Variants in LUZP4 observed in about 807,000 individuals in gnomAD.
The protein encoded by LUZP4 is leucine zipper protein 4.
Under a neutral mutation model 8.5 loss-of-function variants are expected in LUZP4, and 11 were observed. That is an observed-to-expected ratio of 1.30 (90% CI 0.82 to 2.14). The LOEUF is 2.14. Ranked by LOEUF, LUZP4 falls within the 30% of genes most tolerant of loss-of-function variation. The probability of loss-of-function intolerance (pLI) is 0.00; values close to 1 mark genes in which losing one functional copy is unlikely to be tolerated. For synonymous variants in LUZP4, 104 were observed against 79.4 expected (o/e 1.31, Z -1.65); for missense variants, 276 against 229.7 (o/e 1.20, Z -1.30).
intron 1 of LUZP4, among the ~76,000 whole-genome samples, chrX:115,296,033 T>C (rs1603134055): frequency 8.9e-6 from 1 of 111,809 alleles, no homozygotes; most frequent in African/African-American, 3.2e-5. Flanking sequence ...GTATGTATAG[T>C]CAGAATTTTT....
rs2073423028 is a variant in LUZP4 at position 115,306,582 on chromosome X, C to T, written c.720C>T (p.Asp240=). The part of the protein sequence containing the change: ...KRSRSQGDLV[D]TQSDLIATQR... ...CTCGTAGCCAGGGAGATCTTGTGGA[C>T]ACTCAGAGTGATCTCATAGCCACTC... The change falls in exon 4 of 4, where the codon GAC becomes GAT. Residue 240 remains aspartate, a synonymous_variant. Coordinates refer to ENST00000371920, the MANE Select transcript of LUZP4 (RefSeq NM_016383.5). 8.3e-7 allele frequency: 1 copy of T among 1,209,060 alleles called. No individual in the cohort carries two copies. Among genetic ancestry groups the T allele is most frequent in the South Asian group, 1.8e-5 (1 of 56,810 alleles).
intron 1 of LUZP4, among the ~76,000 whole-genome samples, chrX:115,294,681 G>A (rs1227846619): frequency 2.7e-5 from 3 of 111,708 alleles, no homozygotes; most frequent in African/African-American, 9.8e-5. Context: ...GAGAGATGGT[G>A]GTGTCGTGTA....
chrX:115,297,073 T>C (rs1556599340), intron 1 of LUZP4, among the ~76,000 whole-genome samples: 1 of 112,033 alleles, frequency 8.9e-6, no homozygotes, highest in Non-Finnish European at 1.9e-5. Context: ...TCCATCCTCT[T>C]AAGCATTCAT....
At chrX:115,295,350 A>G (rs1209943747) in intron 1 of LUZP4, among the ~76,000 whole-genome samples, 1 of 112,229 alleles carries the variant, frequency 8.9e-6, no homozygotes, top group East Asian at 2.8e-4. Flanking sequence ...AAGTGCTGGG[A>G]TTACAGCCGT....
intron 1 of LUZP4, among the ~76,000 whole-genome samples, chrX:115,293,021 T>C (rs782134380): frequency 2.7e-5 from 3 of 111,029 alleles, no homozygotes; most frequent in East Asian, 5.6e-4. Flanking sequence ...AAAAATAATA[T>C]TTGGTCACTG....
chrX:115,296,749 C>G (rs1448223250), intron 1 of LUZP4, among the ~76,000 whole-genome samples: 24 of 111,273 alleles, frequency 2.2e-4, no homozygotes, highest in African/African-American at 7.8e-4. Context: ...ACTACAAAGT[C>G]TAAGGATTAA....
rs2073400565 is a variant in LUZP4 at position 115,302,138 on chromosome X, A to G, written c.223+15A>G. On this transcript the variant is annotated intron_variant, in intron 2 of 3. Transcript: ENST00000371920. ...CCATCGGAGAGGTAAAGTATGCTGA[A>G]AATAGTCACACGTGGTAAAAAGAGT... is the stretch of plus-strand genomic sequence containing the variant. 8.6e-7 allele frequency: 1 copy of G among 1,158,605 alleles called. No individual in the cohort carries two copies. The highest frequency in any genetic ancestry group is 1.1e-6 in the Non-Finnish European group (1 of 871,911).
At chrX:115,301,609 A>T (rs1216712226) in intron 1 of LUZP4, among the ~76,000 whole-genome samples, 17 of 112,212 alleles carry the variant, frequency 1.5e-4, no homozygotes, top group African/African-American at 5.5e-4. Context: ...TTTACATTTA[A>T]TTGCTGATTT....
At position 115,307,374 on chromosome X, in the gene LUZP4, C is replaced by T. The variant is rs1457397451; in HGVS notation, c.*570C>T. On this transcript the variant is annotated 3_prime_UTR_variant, in exon 4 of 4. Coordinates refer to ENST00000371920, the MANE Select transcript of LUZP4 (RefSeq NM_016383.5). ...TTCTATGCATAGATGTAATGCTAACCTTCTGAATATATTTTGAATACATTT... is the reference window on the plus strand; with the variant it reads ...TTCTATGCATAGATGTAATGCTAACTTTCTGAATATATTTTGAATACATTT... 1.7e-5 allele frequency: 2 copies of T among 115,055 alleles called. No individual in the cohort carries two copies. The highest frequency in any genetic ancestry group is 6.5e-5 in the African/African-American group (2 of 30,681). The allele number at this position is 115,055 out of a possible 1,213,427, so 9.5% of individuals were successfully genotyped here.
chrX:115,303,540 T>G, intron 3 of LUZP4, 122 bp downstream of exon 3: 2 of 308,690 alleles, frequency 6.5e-6, no homozygotes, highest in Non-Finnish European at 1.2e-5. Context: ...TCCTCCATGG[T>G]GCCTTGAACA....
At chrX:115,297,708 T>C in intron 1 of LUZP4, among the ~76,000 whole-genome samples, 2 of 111,691 alleles carry the variant, frequency 1.8e-5, no homozygotes, top group East Asian at 5.7e-4. Flanking sequence ...CTTTAGGAGT[T>C]TGATTATTAA....
chrX:115,293,812 G>A (rs372927339), intron 1 of LUZP4, among the ~76,000 whole-genome samples: 71 of 109,234 alleles, frequency 6.5e-4, no homozygotes, highest in African/African-American at 2.1e-3. Flanking sequence ...TTAGCCGGGC[G>A]TGGAGGCAGG....
chrX:115,306,524 A>G lies in LUZP4; in HGVS notation c.662A>G (p.His221Arg), dbSNP rs2147407897. 1 of 1,210,536 alleles carries G rather than the reference A, an allele frequency of 8.3e-7. No individual in the cohort carries two copies. Among genetic ancestry groups the G allele is most frequent in the East Asian group, 3.0e-5 (1 of 33,792 alleles). The change falls in exon 4 of 4, where the codon CAC (histidine) becomes CGC (arginine). Residue 221 changes from histidine to arginine, a missense_variant. Physicochemically the swap from His to Arg is conservative, Grantham distance 29. Coordinates refer to ENST00000371920, the MANE Select transcript of LUZP4 (RefSeq NM_016383.5). ...GGTCACTCAGAGAGATCTCATGGTC[A>G]CTCAGAGAGATCTCATGGTCACTCA... is the stretch of plus-strand genomic sequence containing the variant. The part of the protein sequence containing the change: ...SHGHSERSHG[H>R]SERSHGHSKR...
chrX:115,298,477 ATT>A (rs1458102051), intron 1 of LUZP4, among the ~76,000 whole-genome samples: 2 of 111,557 alleles, frequency 1.8e-5, no homozygotes, highest in African/African-American at 6.5e-5. Context: ...GGTGTGTTTC[ATT>A]GTTTGTTTGT....
intron 1 of LUZP4, among the ~76,000 whole-genome samples, chrX:115,300,687 T>C (rs1556601099): frequency 9.0e-6 from 1 of 111,436 alleles, no homozygotes; most frequent in Non-Finnish European, 1.9e-5. Flanking sequence ...ACTTTTCCTT[T>C]CTGCTCTAAC....
chrX:115,302,425 C>T (rs2073401768), intron 2 of LUZP4, among the ~76,000 whole-genome samples: 1 of 111,910 alleles, frequency 8.9e-6, no homozygotes, highest in Admixed American at 9.5e-5. Flanking sequence ...GGTCCAGTTC[C>T]ACTTTTAGGA....
Position 115,289,733 on chromosome X carries a change from A to G in LUZP4, c.-27A>G. The G allele has an allele frequency of 8.9e-7, 1 of 1,127,383 alleles. No homozygotes were observed. Among genetic ancestry groups the G allele is most frequent in the Non-Finnish European group, 1.2e-6 (1 of 820,192 alleles). 92.9% of individuals were successfully genotyped at this position (1,127,383 alleles called of 1,213,427 possible). The stretch of plus-strand genomic sequence containing the variant: ...GGGTGGTACACGCGCCCTACCTCGG[A>G]GTGTGTGGCGCCATGATGCAGGGAA... On this transcript the variant is annotated 5_prime_UTR_variant, in exon 1 of 4. Transcript: ENST00000371920.
At chrX:115,295,781 T>C (rs1225089997) in intron 1 of LUZP4, among the ~76,000 whole-genome samples, 2 of 111,183 alleles carry the variant, frequency 1.8e-5, no homozygotes, top group Non-Finnish European at 3.8e-5. Flanking sequence ...CCCCTGTTAA[T>C]TACTTTTACC....
In LUZP4 at chrX:115,294,374, T is replaced by C. The variant is rs186450184; in HGVS notation, c.91+4524T>C. Among the ~76,000 whole-genome samples the C allele has an allele frequency of 2.7e-3, 306 of 112,016 alleles. 1 individual carries two copies. Among genetic ancestry groups the C allele is most frequent in the African/African-American group, 8.3e-3 (257 of 30,849 alleles). ...CTCTTGGGGCCTGAGTTTCCTGATCTGAATAAAATCTACATCATAGAGTTG... is the reference window on the plus strand; with the variant it reads ...CTCTTGGGGCCTGAGTTTCCTGATCCGAATAAAATCTACATCATAGAGTTG... On this transcript the variant is annotated intron_variant, in intron 1 of 3. Coordinates refer to ENST00000371920, the MANE Select transcript of LUZP4 (RefSeq NM_016383.5).
Sources: gnomAD v4.1 joint callset for allele counts (sites outside exome capture counted in the v4.1 genomes callset) on GRCh38, gnomAD v4.1.1 for gene constraint, MANE v1.5 for transcripts, NCBI Gene and HGNC (gene_info 2026-07-23, HGNC 2026-07-21) for gene names.